CALCOCO1: variants seen among roughly 807,000 people sequenced by gnomAD.
CALCOCO1 encodes calcium binding and coiled-coil domain 1.
In CALCOCO1, 44 loss-of-function variants were observed where a neutral mutation model predicts 86.3. That is an observed-to-expected ratio of 0.51 (90% confidence interval 0.40 to 0.66). CALCOCO1 has a LOEUF of 0.66. Ranked by LOEUF, CALCOCO1 falls within the 30% of genes least tolerant of loss-of-function variation. CALCOCO1 has a pLI of 0.00. For synonymous variants in CALCOCO1, 297 were observed against 327.6 expected, an observed-to-expected ratio of 0.91 and a Z score of 1.01; for missense variants, 708 against 851.1, an observed-to-expected ratio of 0.83 and a Z score of 2.09.
rs965236473 is a variant in CALCOCO1, at chr12:53,722,329, G to A, written c.451-146C>T. On this transcript the variant is annotated intron_variant, in intron 4 of 14. Transcript: ENST00000550804. ...AGGTGAGGAAGGGGATGCTCAGTGT[G>A]CTACCGAATCCCGTCCACCACCCAG... is the stretch of plus-strand genomic sequence containing the variant. 2.0e-5 allele frequency: 17 copies of A among 850,686 alleles called. No homozygotes were observed. The South Asian group carries it at 2.6e-4, about 13-fold the overall frequency. The allele number at this position is 850,686 out of a possible 1,614,324, so 52.7% of individuals were successfully genotyped here. A position where few individuals can be genotyped will look rare whatever the true frequency, so the allele number is the denominator to read the frequency against.
Position 53,725,121 on chromosome 12 carries a change from A to G in CALCOCO1, c.122T>C (p.Met41Thr). Residue 41 changes from methionine to threonine, a missense_variant, in exon 2 of 15, where the codon ATG becomes ACG. By Grantham distance (81) the Met-to-Thr change is moderately conservative. Coordinates refer to ENST00000550804, the MANE Select transcript of CALCOCO1 (RefSeq NM_020898.3). ...GCCAATCCAGTCACTGGCACTGGGC[A>G]TGGTGCCTGGGGGAAGGGTGTAGTG... ...ECHYTLPPGT[M>T]PSASDWIGIF... 1 of 1,611,414 alleles carries G rather than the reference A, an allele frequency of 6.2e-7. No homozygotes were observed. Among genetic ancestry groups the G allele is most frequent in the Middle Eastern group, 1.7e-4 (1 of 6,056 alleles).
At chr12:53,719,967 C>G (rs1473520229) in intron 6 of CALCOCO1, 138 bp from the exon 7 acceptor site, 1 of 532,458 alleles carries the variant, frequency 1.9e-6, no homozygotes, top group African/African-American at 1.9e-5. Flanking sequence ...AATCCCCAAG[C>G]CAGCTGATCC....
At position 53,709,901 on chromosome 12, in the gene CALCOCO1, CAT is replaced by C. The variant is rs1029408640; in HGVS notation, c.*2041_*2042del. ...AACCTCCCCCAGAAAATAAATCACA[CAT>C]GATTTCATTAAATGCACCTCCTGCT... On this transcript the variant is annotated 3_prime_UTR_variant, in exon 15 of 15. Coordinates refer to ENST00000550804, the MANE Select transcript of CALCOCO1 (RefSeq NM_020898.3). The C allele has an allele frequency of 6.6e-6, 1 of 152,188 alleles. No individual in the cohort carries two copies. Among genetic ancestry groups the C allele is most frequent in the Non-Finnish European group, 1.5e-5 (1 of 68,034 alleles). The allele number at this position is 152,188 out of a possible 1,614,324, so 9.4% of individuals were successfully genotyped here. A position where few individuals can be genotyped will look rare whatever the true frequency, so the allele number is the denominator to read the frequency against.
intron 7 of CALCOCO1, among the ~76,000 whole-genome samples, chr12:53,717,089 C>T (rs1177033756): frequency 6.6e-6 from 1 of 152,214 alleles, no homozygotes; most frequent in Non-Finnish European, 1.5e-5. Context: ...GAGATAGGGT[C>T]TGGCTCTGTC....
chr12:53,722,601 G>A (rs116585422), intron 4 of CALCOCO1, among the ~76,000 whole-genome samples: 1,587 of 152,162 alleles, frequency 0.01, 32 homozygotes, highest in African/African-American at 0.036. Flanking sequence ...GGGTCTCACT[G>A]TGTTGCCCAG....
At chr12:53,714,853 G>A (rs142763198) in intron 10 of CALCOCO1, among the ~76,000 whole-genome samples, 160 bp from the exon 11 acceptor site, 7 of 152,190 alleles carry the variant, frequency 4.6e-5, no homozygotes, top group African/African-American at 1.7e-4. Context: ...CTTCCTCCAT[G>A]AGTACTTTGT....
rs1356054549 is a variant in CALCOCO1 at position 53,722,005 on chromosome 12, C to A, written c.609+20G>T. 1.9e-6 allele frequency: 3 copies of A among 1,611,618 alleles called. No individual in the cohort carries two copies. The highest frequency in any genetic ancestry group is 1.7e-6 in the Non-Finnish European group (2 of 1,179,956). On this transcript the variant is annotated intron_variant, in intron 5 of 14. Transcript: ENST00000550804. ...TGGGTGAGCAGCCAGGCCCTGTCCC[C>A]TACCTGGCCCAGCTCCCACCTTGTA... is the stretch of plus-strand genomic sequence containing the variant.
chr12:53,718,465 C>T (rs1229324490), intron 7 of CALCOCO1, among the ~76,000 whole-genome samples: 2 of 152,026 alleles, frequency 1.3e-5, no homozygotes, highest in Non-Finnish European at 2.9e-5. Context: ...AGATTAAAAA[C>T]TTTATTGGTG....
Position 53,721,532 on chromosome 12 carries a change from C to T in CALCOCO1, c.693G>A (p.Leu231=). 17 of 1,613,860 alleles carry T rather than the reference C, an allele frequency of 1.1e-5. No homozygotes were observed. The highest frequency in any genetic ancestry group is 1.7e-4 in the Middle Eastern group (1 of 6,058). ...RQQGDHVARI[L]ELEDDIQTIS... The stretch of plus-strand genomic sequence containing the variant: ...TGGTCTGGATGTCATCCTCTAGCTC[C>T]AGGATGCGTGCCACATGGTCTCCCT... Residue 231 remains leucine (L), a synonymous_variant, in exon 6 of 15, where the codon CTG becomes CTA. Transcript: ENST00000550804.
chr12:53,712,180 G>T, intron 14 of CALCOCO1, 59 bp from the exon 15 acceptor site: 3 of 1,464,136 alleles, frequency 2.0e-6, no homozygotes, highest in South Asian at 1.3e-5. Flanking sequence ...TTCTTGACTT[G>T]CAGACTTCGG....
At position 53,721,572 on chromosome 12, in the gene CALCOCO1, A is replaced by T; in HGVS notation, c.653T>A (p.Ile218Asn). 6.2e-7 allele frequency: 1 copy of T among 1,613,746 alleles called. No homozygotes were observed. Among genetic ancestry groups the T allele is most frequent in the Non-Finnish European group, 8.5e-7 (1 of 1,179,896 alleles). ...SHGEITEERD[I>N]LSRQQGDHVA... Reference sequence around the variant, plus strand: ...ATGGTCTCCCTGTTGCCGGCTCAGGATGTCCCTCTCTTCTGTGATCTCCCC... The same window carrying T: ...ATGGTCTCCCTGTTGCCGGCTCAGGTTGTCCCTCTCTTCTGTGATCTCCCC... Residue 218 changes from isoleucine (I) to asparagine (N), a missense_variant, in exon 6 of 15, where the codon ATC becomes AAC. Transcript: ENST00000550804.
In CALCOCO1 at chr12:53,710,999, T is replaced by G; in HGVS notation, c.*945A>C. 1 of 348,622 alleles carries G rather than the reference T, an allele frequency of 2.9e-6. No individual in the cohort carries two copies. 21.6% of individuals were successfully genotyped at this position (348,622 alleles called of 1,614,324 possible). On this transcript the variant is annotated 3_prime_UTR_variant, in exon 15 of 15. Transcript: ENST00000550804. ...AGTAACTGCCCAGCATCCCCTGCCA[T>G]GAGGCAGGGATGCGTCCCCTCTTTC...
At chr12:53,723,979 T>C (rs1033376243) in intron 3 of CALCOCO1, 196 bp from the exon 4 acceptor site, 38 of 592,724 alleles carry the variant, frequency 6.4e-5, no homozygotes, top group Non-Finnish European at 3.0e-6. Flanking sequence ...ATAATAATGC[T>C]AGTTACCATG....
Position 53,709,901 on chromosome 12 carries a change from C to CATG in CALCOCO1, c.*2040_*2042dup, listed in dbSNP as rs1945516846. 1 of 152,188 alleles carries CATG rather than the reference C, an allele frequency of 6.6e-6. No individual in the cohort carries two copies. The highest frequency in any genetic ancestry group is 1.9e-4 in the East Asian group (1 of 5,192). 9.4% of individuals were successfully genotyped at this position (152,188 alleles called of 1,614,324 possible). A position where few individuals can be genotyped will look rare whatever the true frequency, so the allele number is the denominator to read the frequency against. On this transcript the variant is annotated 3_prime_UTR_variant, in exon 15 of 15. Transcript: ENST00000550804. ...AACCTCCCCCAGAAAATAAATCACA[C>CATG]ATGATTTCATTAAATGCACCTCCTG...
chr12:53,709,923 C>T lies in CALCOCO1; in HGVS notation c.*2021G>A, dbSNP rs1945517148. On this transcript the variant is annotated 3_prime_UTR_variant, in exon 15 of 15. Transcript: ENST00000550804. ...ACACATGATTTCATTAAATGCACCT[C>T]CTGCTGGGGATGTTGGCTCATAATT... 1 of 152,176 alleles carries T rather than the reference C, an allele frequency of 6.6e-6. No homozygotes were observed. The highest frequency in any genetic ancestry group is 2.4e-5 in the African/African-American group (1 of 41,414). The allele number at this position is 152,176 out of a possible 1,614,324, so 9.4% of individuals were successfully genotyped here. A position where few individuals can be genotyped will look rare whatever the true frequency, so the allele number is the denominator to read the frequency against.
chr12:53,710,342 T>C lies in CALCOCO1; in HGVS notation c.*1602A>G, dbSNP rs1945522945. 1 of 151,952 alleles carries C rather than the reference T, an allele frequency of 6.6e-6. No homozygotes were observed. The highest frequency in any genetic ancestry group is 1.5e-5 in the Non-Finnish European group (1 of 68,060). 9.4% of individuals were successfully genotyped at this position (151,952 alleles called of 1,614,324 possible). ...TGGAAAGGGGGTGGACAGGAGCATT[T>C]CAGGTGAATGGAGAAAGGGAATGGT... On this transcript the variant is annotated 3_prime_UTR_variant, in exon 15 of 15. Transcript: ENST00000550804.
At position 53,711,956 on chromosome 12, in the gene CALCOCO1, G is replaced by A. The variant is rs918268604; in HGVS notation, c.2064C>T (p.Phe688=). ...GHFFFSTQDP[F]TFE is the part of the protein sequence containing the mutation. ...CGAGGGAGTAAGATCACTCAAAGGTGAAGGGGTCCTGGGTGCTGAAAAAGA... is the reference window on the plus strand; with the variant it reads ...CGAGGGAGTAAGATCACTCAAAGGTAAAGGGGTCCTGGGTGCTGAAAAAGA... Residue 688 remains phenylalanine, a synonymous_variant, in exon 15 of 15, where the codon TTC becomes TTT. Transcript: ENST00000550804. The A allele has an allele frequency of 6.4e-7, 1 of 1,572,462 alleles. No homozygotes were observed. The highest frequency in any genetic ancestry group is 8.6e-7 in the Non-Finnish European group (1 of 1,160,576).
At position 53,715,930 on chromosome 12, in the gene CALCOCO1, G is replaced by T. The variant is rs150916206; in HGVS notation, c.1123C>A (p.Arg375Ser). The change falls in exon 9 of 15, where the codon CGC becomes AGC. Residue 375 changes from arginine (R) to serine (S), a missense_variant. By Grantham distance (110) the Arg-to-Ser change is moderately radical. Coordinates refer to ENST00000550804, the MANE Select transcript of CALCOCO1 (RefSeq NM_020898.3). ...ELASAAAARDRTIAELHRSRL... is the reference protein window; with the variant it reads ...ELASAAAARDSTIAELHRSRL... ...CTGCGGTGTAGTTCGGCTATGGTGC[G>T]GTCCCTGGCTGCTGCTGCACTGGCC... 1 of 1,614,020 alleles carries T rather than the reference G, an allele frequency of 6.2e-7. No homozygotes were observed. The highest frequency in any genetic ancestry group is 8.5e-7 in the Non-Finnish European group (1 of 1,179,992).
At chr12:53,726,878 T>A (rs1031390953) in intron 1 of CALCOCO1, among the ~76,000 whole-genome samples, 3 of 152,156 alleles carry the variant, frequency 2.0e-5, no homozygotes, top group African/African-American at 7.2e-5. Context: ...CTGTAAACGT[T>A]CTTCATGTCC....
Sources: gnomAD v4.1 joint callset for allele counts (sites outside exome capture counted in the v4.1 genomes callset) on GRCh38, gnomAD v4.1.1 for gene constraint, MANE v1.5 for transcripts, NCBI Gene and HGNC (gene_info 2026-07-23, HGNC 2026-07-21) for gene names.